Variants in CHCHD6 observed in about 807,000 individuals in gnomAD.
The protein encoded by CHCHD6 is MICOS complex subunit MIC25.
A neutral mutation model predicts 32.3 loss-of-function variants in CHCHD6; 28 were observed. That is an observed-to-expected ratio of 0.87 (90% CI 0.64 to 1.19). The LOEUF (loss-of-function observed/expected upper bound fraction) is 1.19, where lower values mean the gene tolerates loss of function less well. Among genes scored for constraint, CHCHD6 ranks in the 50% most tolerant of loss-of-function variants. CHCHD6 has a pLI of 0.00. For synonymous variants in CHCHD6, 122 were observed against 117.5 expected (o/e 1.04, Z -0.25); for missense variants, 333 against 307.0 (o/e 1.08, Z -0.63).
chr3:126,935,230 T>C, intron 6 of CHCHD6: 1 of 813,196 alleles, frequency 1.2e-6, no homozygotes, highest in Non-Finnish European at 1.5e-6. Context: ...GGCAGAGGGC[T>C]CAGTGTATCC....
At position 126,939,396 on chromosome 3, in the gene CHCHD6, A is replaced by AT. The variant is rs549956564; in HGVS notation, c.567-18015dup. ...TCATCCTATCCCTGTACAGTTGGTTATTTTTAAACCCAAGTGCAGGAAATG... is the reference window on the plus strand; with the variant it reads ...TCATCCTATCCCTGTACAGTTGGTTATTTTTTAAACCCAAGTGCAGGAAATG... On this transcript the variant is annotated intron_variant, in intron 6 of 7. Coordinates refer to ENST00000290913, the MANE Select transcript of CHCHD6 (RefSeq NM_032343.3). 7.9e-5 allele frequency among the ~76,000 whole-genome samples: 12 copies of AT among 152,320 alleles called. No individual in the cohort carries two copies. In the South Asian group the frequency reaches 2.3e-3, roughly 29 times the overall value.
At chr3:126,955,731 G>A (rs184441136) in intron 6 of CHCHD6, among the ~76,000 whole-genome samples, 23 of 152,302 alleles carry the variant, frequency 1.5e-4, no homozygotes, top group Non-Finnish European at 2.9e-4. Flanking sequence ...TCATGTTAGC[G>A]ATGGTGTTAG....
At position 126,728,321 on chromosome 3, in the gene CHCHD6, G is replaced by C. The variant is rs79714790; in HGVS notation, c.196+1135G>C. Among the ~76,000 whole-genome samples, 267 of 152,284 alleles carry C rather than the reference G, an allele frequency of 1.8e-3. 1 individual carries two copies. Among genetic ancestry groups the C allele is most frequent in the African/African-American group, 6.2e-3 (256 of 41,562 alleles). ...ACACTGGAATCTGTACCAGGCTCAC[G>C]GGAGAAGAGGGACTGTGAAAGGCAG... On this transcript the variant is annotated intron_variant, in intron 2 of 7. Coordinates refer to ENST00000290913, the MANE Select transcript of CHCHD6 (RefSeq NM_032343.3).
chr3:126,708,934 A>G (rs1016621238), intron 1 of CHCHD6, among the ~76,000 whole-genome samples: 15 of 152,148 alleles, frequency 9.9e-5, no homozygotes, highest in Non-Finnish European at 1.9e-4. Context: ...TGACCTATCC[A>G]TGGGTCGTTG....
At chr3:126,876,207 A>G (rs1466716236) in intron 5 of CHCHD6, among the ~76,000 whole-genome samples, 2 of 152,230 alleles carry the variant, frequency 1.3e-5, no homozygotes, top group Admixed American at 6.5e-5. Flanking sequence ...GCTGCAGAAG[A>G]CTGCTTTCTA....
chr3:126,913,471 G>T (rs1427984677), intron 5 of CHCHD6, among the ~76,000 whole-genome samples: 2 of 151,974 alleles, frequency 1.3e-5, no homozygotes, highest in Non-Finnish European at 2.9e-5. Context: ...CTGACCTCAG[G>T]TGATCCACAC....
At chr3:126,911,636 G>A (rs2078092239) in intron 5 of CHCHD6, among the ~76,000 whole-genome samples, 1 of 152,236 alleles carries the variant, frequency 6.6e-6, no homozygotes, top group Non-Finnish European at 1.5e-5. Context: ...GGTAATCACC[G>A]CCACTTCTTG....
At chr3:126,893,963 G>A (rs908759186) in intron 5 of CHCHD6, among the ~76,000 whole-genome samples, 11 of 152,356 alleles carry the variant, frequency 7.2e-5, no homozygotes, top group Admixed American at 3.3e-4. Context: ...TGCCCTTGGC[G>A]GGAGCTGTGC....
intron 1 of CHCHD6, among the ~76,000 whole-genome samples, chr3:126,715,123 G>A (rs1934949241): frequency 1.3e-5 from 2 of 152,316 alleles, no homozygotes; most frequent in Middle Eastern, 3.4e-3. Flanking sequence ...GGTGGAGGAA[G>A]TGGGAACTGC....
intron 4 of CHCHD6, among the ~76,000 whole-genome samples, chr3:126,816,201 T>A (rs1465181431): frequency 6.6e-6 from 1 of 152,166 alleles, no homozygotes; most frequent in Non-Finnish European, 1.5e-5. Flanking sequence ...TTGTTAATGA[T>A]ATCTCCCTTA....
At chr3:126,847,670 G>A (rs1210849946) in intron 4 of CHCHD6, among the ~76,000 whole-genome samples, 1 of 152,138 alleles carries the variant, frequency 6.6e-6, no homozygotes, top group African/African-American at 2.4e-5. Context: ...TGTGCTTTTT[G>A]TGGTAACCAA....
At chr3:126,772,009 C>G (rs1461836827) in intron 4 of CHCHD6, among the ~76,000 whole-genome samples, 1 of 150,060 alleles carries the variant, frequency 6.7e-6, no homozygotes, top group East Asian at 1.9e-4. Flanking sequence ...TCTTGAGTAT[C>G]TTTGTTAATT....
chr3:126,902,907 G>A (rs548032064), intron 5 of CHCHD6, among the ~76,000 whole-genome samples: 16 of 152,230 alleles, frequency 1.1e-4, no homozygotes, highest in African/African-American at 3.6e-4. Context: ...TGCTGCTGGC[G>A]TGGAAGCCAT....
intron 5 of CHCHD6, among the ~76,000 whole-genome samples, chr3:126,898,220 T>G (rs2077869002): frequency 6.6e-6 from 1 of 152,256 alleles, no homozygotes; most frequent in Non-Finnish European, 1.5e-5. Flanking sequence ...GTCCCCCTGC[T>G]CTTCCCCAGT....
chr3:126,844,499 T>C (rs1941218976), intron 4 of CHCHD6, among the ~76,000 whole-genome samples: 1 of 152,246 alleles, frequency 6.6e-6, no homozygotes, highest in Non-Finnish European at 1.5e-5. Context: ...CTTGAATTCT[T>C]CTTTAACTAA....
Position 126,834,915 on chromosome 3 carries a change from G to A in CHCHD6, c.412-17732G>A, listed in dbSNP as rs557159534. Among the ~76,000 whole-genome samples the A allele has an allele frequency of 2.6e-5, 4 of 152,280 alleles. No individual in the cohort carries two copies. In the South Asian group the frequency reaches 8.3e-4, roughly 32 times the overall value. On this transcript the variant is annotated intron_variant, in intron 4 of 7. Transcript: ENST00000290913. ...GAGACATTTCTGGCAAAGAACAGTA[G>A]GAGCCAGAAGCACAGGCCCTGGAAG...
chr3:126,959,711 C>A (rs998646277), intron 7 of CHCHD6, among the ~76,000 whole-genome samples: 11 of 152,230 alleles, frequency 7.2e-5, no homozygotes, highest in African/African-American at 2.7e-4. Context: ...TGCTGGGCAT[C>A]TCAGATGAGG....
intron 5 of CHCHD6, among the ~76,000 whole-genome samples, chr3:126,910,453 C>T (rs1229828207): frequency 6.6e-6 from 1 of 152,172 alleles, no homozygotes; most frequent in Non-Finnish European, 1.5e-5. Flanking sequence ...GCATCTCCTG[C>T]CCCATGCACA....
At chr3:126,771,168 G>A (rs1322114007) in intron 4 of CHCHD6, among the ~76,000 whole-genome samples, 1 of 150,938 alleles carries the variant, frequency 6.6e-6, no homozygotes, top group Non-Finnish European at 1.5e-5. Context: ...GGGGTCAGTG[G>A]TAATGTACCC....
Sources: gnomAD v4.1 joint callset for allele counts (sites outside exome capture counted in the v4.1 genomes callset) on GRCh38, gnomAD v4.1.1 for gene constraint, MANE v1.5 for transcripts, NCBI Gene and HGNC (gene_info 2026-07-23, HGNC 2026-07-21) for gene names.